Variants in NLRP4 observed in about 807,000 individuals in gnomAD.
The protein encoded by NLRP4 is NLR family pyrin domain containing 4, also known as NACHT, LRR and PYD domains-containing protein 4.
In NLRP4, 44 loss-of-function variants were observed where a neutral mutation model predicts 84.7. The observed-to-expected ratio is 0.52, with a 90% CI of 0.41 to 0.67. The LOEUF (loss-of-function observed/expected upper bound fraction) is 0.67, where lower values mean the gene tolerates loss of function less well. NLRP4 is among the 30% of genes least tolerant of loss of function. NLRP4 has a pLI of 0.00. For missense variants in NLRP4, 1,260 were observed against 1,219.4 expected, an observed-to-expected ratio of 1.03 and a Z score of -0.50; for synonymous variants, 544 against 476.4, an observed-to-expected ratio of 1.14 and a Z score of -1.85.
chr19:55,861,969 CA>C, intron 4 of NLRP4, 22 bp from the exon 5 acceptor site: 1 of 1,589,870 alleles, frequency 6.3e-7, no homozygotes, highest in Non-Finnish European at 8.6e-7. Flanking sequence ...GAAACTCATC[CA>C]AAATTTTCTT....
At chr19:55,865,146 G>A (rs571027282) in intron 5 of NLRP4, among the ~76,000 whole-genome samples, 1 of 152,074 alleles carries the variant, frequency 6.6e-6, no homozygotes, top group East Asian at 1.9e-4. Flanking sequence ...CCCACCCTCT[G>A]CTCTCAAGTA....
At chr19:55,843,769 A>AT (rs1007164285) in intron 1 of NLRP4, among the ~76,000 whole-genome samples, 19 of 152,032 alleles carry the variant, frequency 1.2e-4, no homozygotes, top group African/African-American at 3.1e-4. Flanking sequence ...CGGTTTTTGC[A>AT]TTTTTTTCAT....
chr19:55,877,357 G>A (rs985760348), intron 8 of NLRP4, among the ~76,000 whole-genome samples, 191 bp downstream of exon 8: 1 of 152,184 alleles, frequency 6.6e-6, no homozygotes, highest in Admixed American at 6.5e-5. Flanking sequence ...GCTTGTCTGG[G>A]CAGGCGTCAC....
chr19:55,861,943 T>A lies in NLRP4; in HGVS notation c.2019-49T>A. 3 of 1,250,760 alleles carry A rather than the reference T, an allele frequency of 2.4e-6. No homozygotes were observed. In the South Asian group the frequency reaches 3.6e-5, roughly 15 times the overall value. 77.5% of individuals were successfully genotyped at this position (1,250,760 alleles called of 1,614,324 possible). ...GAGAGACAAACACAGGTGTGCAGGCTGTGCTCCCATTAGATGAAACTCATC... is the reference window on the plus strand; with the variant it reads ...GAGAGACAAACACAGGTGTGCAGGCAGTGCTCCCATTAGATGAAACTCATC... On this transcript the variant is annotated intron_variant, in intron 4 of 9. Coordinates refer to ENST00000301295, the MANE Select transcript of NLRP4 (RefSeq NM_134444.5).
chr19:55,874,456 A>C (rs1171073978), intron 7 of NLRP4, among the ~76,000 whole-genome samples: 1 of 152,196 alleles, frequency 6.6e-6, no homozygotes, highest in African/African-American at 2.4e-5. Context: ...ATGGGAAAAG[A>C]AACATTACTA....
chr19:55,836,920 A>G lies in NLRP4; in HGVS notation c.-80A>G, dbSNP rs932675582. The G allele has an allele frequency of 4.6e-5, 7 of 151,784 alleles. No homozygotes were observed. The highest frequency in any genetic ancestry group is 1.7e-4 in the African/African-American group (7 of 41,222). 9.4% of individuals were successfully genotyped at this position (151,784 alleles called of 1,614,324 possible). ...AAACATGTAGGAGAAGCTGGAGAACATAGACAGGGATGAGGTAAGGGGGGG... is the reference window on the plus strand; with the variant it reads ...AAACATGTAGGAGAAGCTGGAGAACGTAGACAGGGATGAGGTAAGGGGGGG... On this transcript the variant is annotated 5_prime_UTR_variant, in exon 1 of 10. Transcript: ENST00000301295.
intron 8 of NLRP4, among the ~76,000 whole-genome samples, chr19:55,878,306 G>A (rs1282712280): frequency 6.6e-6 from 1 of 152,050 alleles, no homozygotes; most frequent in Admixed American, 6.5e-5. Flanking sequence ...TGTAGTCCCA[G>A]CTACTCAGGA....
chr19:55,865,058 A>T (rs1457250939), intron 5 of NLRP4, among the ~76,000 whole-genome samples: 1 of 152,226 alleles, frequency 6.6e-6, no homozygotes, highest in Non-Finnish European at 1.5e-5. Context: ...ACGTCATGGA[A>T]GTTTGGTGTA....
At chr19:55,848,022 T>C (rs1049573893) in intron 1 of NLRP4, among the ~76,000 whole-genome samples, 1 of 152,020 alleles carries the variant, frequency 6.6e-6, no homozygotes, top group Non-Finnish European at 1.5e-5. Context: ...GCCCCTAATA[T>C]CCTTTTTATG....
At chr19:55,849,771 T>TAGCTGCGGTGTAATTTCCAA (rs1425981757) in intron 1 of NLRP4, among the ~76,000 whole-genome samples, 12 of 132,586 alleles carry the variant, frequency 9.1e-5, no homozygotes, top group South Asian at 4.6e-4. Flanking sequence ...GTAATTTCTG[T>TAGCTGCGGTGTAATTTCCAA]AGCTGCGGTG....
At chr19:55,871,322 A>G (rs1460165467) in intron 7 of NLRP4, among the ~76,000 whole-genome samples, 6 of 152,206 alleles carry the variant, frequency 3.9e-5, no homozygotes, top group Non-Finnish European at 7.3e-5. Context: ...AAATGAATGC[A>G]CTTCATCAGG....
chr19:55,839,688 T>C (rs1191322979), intron 1 of NLRP4, among the ~76,000 whole-genome samples: 2 of 152,302 alleles, frequency 1.3e-5, no homozygotes, highest in Middle Eastern at 3.4e-3. Flanking sequence ...TCAGACTTGT[T>C]GGGGGTTATC....
intron 6 of NLRP4, among the ~76,000 whole-genome samples, chr19:55,869,784 T>TA (rs11405884): frequency 0.67 from 99,135 of 148,366 alleles, 33,240 homozygotes; most frequent in East Asian, 0.83. Context: ...CATGGATCCT[T>TA]AAAAAAAAAA....
intron 6 of NLRP4, among the ~76,000 whole-genome samples, chr19:55,870,620 G>A (rs989841633): frequency 3.3e-5 from 5 of 152,164 alleles, no homozygotes; most frequent in Admixed American, 2.0e-4. Context: ...CCAAGATCGC[G>A]CCGTTGCATT....
Position 55,881,617 on chromosome 19 carries a change from A to C in NLRP4, c.*30A>C. On this transcript the variant is annotated 3_prime_UTR_variant, in exon 10 of 10. Transcript: ENST00000301295. ...GAGGAACCTGGGCTCTGACTCGAAC[A>C]CCTGCAAAGGACAGGGACTGGGACC... is the stretch of plus-strand genomic sequence containing the variant. 9.4e-7 allele frequency: 1 copy of C among 1,061,784 alleles called. No homozygotes were observed. Among genetic ancestry groups the C allele is most frequent in the East Asian group, 2.4e-5 (1 of 42,268 alleles). 65.8% of individuals were successfully genotyped at this position (1,061,784 alleles called of 1,614,324 possible).
chr19:55,881,850 T>G lies in NLRP4; in HGVS notation c.*263T>G, dbSNP rs979350822. The G allele has an allele frequency of 1.1e-5, 3 of 265,180 alleles. No homozygotes were observed. The highest frequency in any genetic ancestry group is 6.7e-5 in the African/African-American group (3 of 45,026). The allele number at this position is 265,180 out of a possible 1,614,324, so 16.4% of individuals were successfully genotyped here. A position where few individuals can be genotyped will look rare whatever the true frequency, so the allele number is the denominator to read the frequency against. On this transcript the variant is annotated 3_prime_UTR_variant, in exon 10 of 10. Coordinates refer to ENST00000301295, the MANE Select transcript of NLRP4 (RefSeq NM_134444.5). ...AATAAAGTGTTACATTTCTAAACATTGGAAATTCTTTTTTTGCCTTTTTTT... is the reference window on the plus strand; with the variant it reads ...AATAAAGTGTTACATTTCTAAACATGGGAAATTCTTTTTTTGCCTTTTTTT...
chr19:55,874,956 C>T (rs1985316155), intron 7 of NLRP4, among the ~76,000 whole-genome samples: 1 of 152,032 alleles, frequency 6.6e-6, no homozygotes, highest in Admixed American at 6.6e-5. Flanking sequence ...TGTAAAGTTG[C>T]TTTAACATTA....
chr19:55,849,896 G>GCGGTGTAATTTCCGTGGCT (rs1568658037), intron 1 of NLRP4, among the ~76,000 whole-genome samples: 1 of 15,268 alleles, frequency 6.5e-5, no homozygotes, highest in African/African-American at 2.2e-4. Flanking sequence ...TTCCGTGGCC[G>GCGGTGTAATTTCCGTGGCT]GCGGTGTAAT....
At position 55,858,380 on chromosome 19, in the gene NLRP4, A is replaced by C. The variant is rs375063091; in HGVS notation, c.987A>C (p.Arg329Ser). The change falls in exon 3 of 10, where the codon AGA becomes AGC. Residue 329 changes from arginine to serine, a missense_variant. Coordinates refer to ENST00000301295, the MANE Select transcript of NLRP4 (RefSeq NM_134444.5). The surrounding 1 kb of genome is among the most constrained non-coding windows in gnomAD (Gnocchi z 4.2). The part of the protein sequence containing the change: ...KRAMEAFNLV[R>S]ESEQLFSICQ... ...CCATGGAAGCCTTCAATCTTGTAAG[A>C]GAAAGTGAACAGCTGTTTTCCATAT... The C allele has an allele frequency of 4.3e-5, 69 of 1,614,216 alleles. No homozygotes were observed. In the African/African-American group the frequency reaches 9.1e-4, roughly 21 times the overall value.
Sources: allele counts gnomAD v4.1 joint callset (sites outside exome capture counted in the v4.1 genomes callset), GRCh38; gene constraint gnomAD v4.1.1; non-coding constraint Gnocchi (gnomAD v3.1); transcripts MANE v1.5; gene names NCBI Gene and HGNC (gene_info 2026-07-23, HGNC 2026-07-21).